The following ANGPT2 variants were observed in gnomAD, a reference collection of about 807,000 sequenced individuals.
ANGPT2 encodes the protein angiopoietin-2.
In ANGPT2, 28 loss-of-function variants were observed where a neutral mutation model predicts 62.9. The ratio of observed to expected loss-of-function variants is 0.44; its 90% confidence interval spans 0.33 to 0.61. The LOEUF is 0.61. ANGPT2 is among the 20% of genes least tolerant of loss of function. ANGPT2 has a pLI of 0.03. For missense variants in ANGPT2, 727 were observed against 594.9 expected, an observed-to-expected ratio of 1.22 and a Z score of -2.31; for synonymous variants, 284 against 207.8, an observed-to-expected ratio of 1.37 and a Z score of -3.15.
At chr8:6,538,265 A>G (rs751724352) in intron 1 of ANGPT2, among the ~76,000 whole-genome samples, 1 of 152,200 alleles carries the variant, frequency 6.6e-6, no homozygotes, top group African/African-American at 2.4e-5. Flanking sequence ...TATTGCAACC[A>G]TCTGTCTTAC....
At chr8:6,508,257 C>G (rs1814185070) in intron 8 of ANGPT2, 1 of 152,410 alleles carries the variant, frequency 6.6e-6, no homozygotes, top group African/African-American at 2.4e-5. Context: ...CGAGACCAGC[C>G]TGGCAAACAT....
intron 1 of ANGPT2, among the ~76,000 whole-genome samples, chr8:6,538,498 C>T (rs1039116423): frequency 2.6e-5 from 4 of 152,104 alleles, no homozygotes; most frequent in Non-Finnish European, 4.4e-5. Flanking sequence ...AGACACACAC[C>T]GCCTCCTGAC....
chr8:6,503,046 T>C lies in ANGPT2; in HGVS notation c.*55A>G. 5.0e-6 allele frequency: 8 copies of C among 1,602,920 alleles called. No individual in the cohort carries two copies. The highest frequency in any genetic ancestry group is 6.8e-6 in the Non-Finnish European group (8 of 1,173,504). ...TGCGCAGCCGTGACTTTCAGTGCAC[T>C]GGGCTTAAGTCTTTGAAAATAGTTC... On this transcript the variant is annotated 3_prime_UTR_variant, in exon 9 of 9. Coordinates refer to ENST00000629816, the MANE Select transcript of ANGPT2 (RefSeq NM_001118887.2).
In ANGPT2 at chr8:6,520,008, G is replaced by C. The variant is rs376445795; in HGVS notation, c.800-17C>G. On this transcript the variant is annotated splice_polypyrimidine_tract_variant and intron_variant, in intron 4 of 8. Coordinates refer to ENST00000629816, the MANE Select transcript of ANGPT2 (RefSeq NM_001118887.2). ...GGTCCTTAGCTGCTTTTAAAAAATA[G>C]TAAGGCATTTAAACGGAGTTCATGA... 12 of 1,612,260 alleles carry C rather than the reference G, an allele frequency of 7.4e-6. No individual in the cohort carries two copies. Among genetic ancestry groups the C allele is most frequent in the Admixed American group, 1.7e-5 (1 of 59,790 alleles).
chr8:6,542,296 G>GTGTGTGTGTGTGTGTATC (rs1407122020), intron 1 of ANGPT2, among the ~76,000 whole-genome samples: 1 of 151,934 alleles, frequency 6.6e-6, no homozygotes, highest in African/African-American at 2.4e-5. Context: ...GTAGGGGTGT[G>GTGTGTGTGTGTGTGTATC]TGTGTGTGTG....
chr8:6,532,911 T>G (rs1261941151), intron 1 of ANGPT2, among the ~76,000 whole-genome samples: 1 of 152,196 alleles, frequency 6.6e-6, no homozygotes, highest in Non-Finnish European at 1.5e-5. Context: ...ACTATTTCTC[T>G]CACATTCTAG....
intron 1 of ANGPT2, among the ~76,000 whole-genome samples, chr8:6,550,042 G>A (rs1385809436): frequency 1.3e-5 from 2 of 152,226 alleles, no homozygotes; most frequent in African/African-American, 2.4e-5. Context: ...AATGGAAGAT[G>A]TGCCTGCTGT....
chr8:6,545,819 A>C (rs1209320999), intron 1 of ANGPT2, among the ~76,000 whole-genome samples: 1 of 152,262 alleles, frequency 6.6e-6, no homozygotes, highest in African/African-American at 2.4e-5. Context: ...CATTGGAATA[A>C]ATACAAGATT....
In ANGPT2 at chr8:6,500,217, G is replaced by C; in HGVS notation, c.*2884C>G. On this transcript the variant is annotated 3_prime_UTR_variant, in exon 9 of 9. Transcript: ENST00000629816. ...AAATGAAAAAAGACTGAATTCTTGG[G>C]CAGGTAGTCTTATATCTTGCTTAAT... is the stretch of plus-strand genomic sequence containing the variant. The C allele has an allele frequency of 2.4e-6, 1 of 408,850 alleles. No individual in the cohort carries two copies. Among genetic ancestry groups the C allele is most frequent in the Non-Finnish European group, 4.6e-6 (1 of 218,890 alleles). The allele number at this position is 408,850 out of a possible 1,614,324, so 25.3% of individuals were successfully genotyped here.
intron 1 of ANGPT2, among the ~76,000 whole-genome samples, chr8:6,553,342 TG>T (rs1189105787): frequency 2.6e-5 from 4 of 152,190 alleles, no homozygotes; most frequent in Non-Finnish European, 4.4e-5. Context: ...AATGTTATTG[TG>T]TACTTTCAGA....
chr8:6,535,137 G>T (rs1311742741), intron 1 of ANGPT2, among the ~76,000 whole-genome samples: 4 of 152,130 alleles, frequency 2.6e-5, no homozygotes, highest in African/African-American at 9.7e-5. Context: ...CCTCCTTCTT[G>T]ATTTCAGTAC....
At chr8:6,524,365 T>C (rs1256073643) in intron 3 of ANGPT2, among the ~76,000 whole-genome samples, 1 of 152,266 alleles carries the variant, frequency 6.6e-6, no homozygotes, top group African/African-American at 2.4e-5. Flanking sequence ...CACTAGCTTT[T>C]CTGCGAAGGC....
chr8:6,521,791 A>G (rs1373291550), intron 3 of ANGPT2, among the ~76,000 whole-genome samples: 2 of 152,300 alleles, frequency 1.3e-5, no homozygotes, highest in East Asian at 1.9e-4. Flanking sequence ...GAGAGTTTCA[A>G]CTGGGCTGGA....
rs1204064925 is a variant in ANGPT2, at chr8:6,519,378, C to G, written c.927+486G>C. Among the ~76,000 whole-genome samples the G allele has an allele frequency of 2.6e-5, 4 of 152,108 alleles. No individual in the cohort carries two copies. In the East Asian group the frequency reaches 5.8e-4, roughly 22 times the overall value. ...CCCGTGTGAGGCAGGGCAGCGGTAG[C>G]TAACTGTACAAGTCACTATGCAGTC... is the stretch of plus-strand genomic sequence containing the variant. On this transcript the variant is annotated intron_variant, in intron 5 of 8. Transcript: ENST00000629816.
chr8:6,545,913 A>C (rs1822501303), intron 1 of ANGPT2, among the ~76,000 whole-genome samples: 1 of 152,370 alleles, frequency 6.6e-6, no homozygotes, highest in East Asian at 1.9e-4. Context: ...GAGACATAGT[A>C]TAAAAAACTG....
At chr8:6,525,447 C>G (rs374201220) in intron 3 of ANGPT2, among the ~76,000 whole-genome samples, 1 of 152,204 alleles carries the variant, frequency 6.6e-6, no homozygotes, top group African/African-American at 2.4e-5. Flanking sequence ...CCTGGCTAGT[C>G]TCAAACTCCT....
intron 1 of ANGPT2, among the ~76,000 whole-genome samples, chr8:6,553,729 C>T (rs922880977): frequency 6.6e-6 from 1 of 151,648 alleles, no homozygotes; most frequent in Non-Finnish European, 1.5e-5. Context: ...GCCTACGAGG[C>T]CCCTCAGGCA....
intron 2 of ANGPT2, 70 bp from the exon 3 acceptor site, chr8:6,527,746 T>C (rs1586382478): frequency 7.3e-7 from 1 of 1,361,328 alleles, no homozygotes; most frequent in Non-Finnish European, 1.0e-6. Flanking sequence ...TTCCTTTTCA[T>C]TAAAGTACCC....
intron 1 of ANGPT2, among the ~76,000 whole-genome samples, chr8:6,558,653 A>T (rs1369261462): frequency 6.6e-6 from 1 of 152,180 alleles, no homozygotes; most frequent in African/African-American, 2.4e-5. Flanking sequence ...TGGATTATCT[A>T]GTGTCTCAAT....
Sources: allele counts gnomAD v4.1 joint callset (sites outside exome capture counted in the v4.1 genomes callset), GRCh38; gene constraint gnomAD v4.1.1; transcripts MANE v1.5; gene names NCBI Gene and HGNC (gene_info 2026-07-23, HGNC 2026-07-21).